FAM153A: variants seen among roughly 807,000 people sequenced by gnomAD.
FAM153A encodes family with sequence similarity 153 member A.
Under a neutral mutation model 48.1 loss-of-function variants are expected in FAM153A, and 12 were observed. The ratio of observed to expected loss-of-function variants is 0.25; its 90% confidence interval spans 0.16 to 0.40. The LOEUF is 0.40. Ranked by LOEUF, FAM153A falls within the 10% of genes least tolerant of loss-of-function variation. The probability of loss-of-function intolerance (pLI) is 1.00; values close to 1 mark genes in which losing one functional copy is unlikely to be tolerated. For missense variants in FAM153A, 111 were observed against 345.8 expected (o/e 0.32, Z 5.38); for synonymous variants, 36 against 118.2 (o/e 0.30, Z 4.51).
chr5:177,746,746 G>A (rs1766077646), intron 4 of FAM153A, among the ~76,000 whole-genome samples: 1 of 151,518 alleles, frequency 6.6e-6, no homozygotes, highest in African/African-American at 2.4e-5. Flanking sequence ...GCAGGTGGGG[G>A]CGCTGACCCT....
chr5:177,753,485 A>G (rs1206686559), upstream of FAM153A, among the ~76,000 whole-genome samples: 2 of 149,210 alleles, frequency 1.3e-5, no homozygotes, highest in Non-Finnish European at 3.0e-5. Context: ...ACAAACATTA[A>G]AGGAGGAAAA....
At chr5:177,782,883 G>A (rs1769821815), upstream of FAM153A, 1 of 89,852 alleles carries the variant, frequency 1.1e-5, no homozygotes, top group African/African-American at 4.4e-5. Context: ...AGGCGCCGCT[G>A]GGCTCGCGGG....
chr5:177,717,521 T>C (rs1760115791), downstream of FAM153A, among the ~76,000 whole-genome samples: 1 of 151,114 alleles, frequency 6.6e-6, no homozygotes, highest in African/African-American at 2.5e-5. Flanking sequence ...GGGACTAAGA[T>C]GTTCACAGTG....
the FAM153A span, among the ~76,000 whole-genome samples, chr5:177,701,079 T>G: frequency 6.4e-4 from 97 of 151,812 alleles, 1 homozygote; most frequent in African/African-American, 2.2e-3. Flanking sequence ...CCTTGAGATC[T>G]GTTTGTTTAA....
At chr5:177,724,355 G>C in exon 20 of FAM153A, 1 of 1,566,900 alleles carries the variant, frequency 6.4e-7, no homozygotes, top group Non-Finnish European at 8.7e-7. Flanking sequence ...GGAAGGACTT[G>C]CTGACATCTG....
chr5:177,702,991 A>G (rs552971708), downstream of FAM153A, among the ~76,000 whole-genome samples: 3 of 152,006 alleles, frequency 2.0e-5, no homozygotes, highest in Non-Finnish European at 4.4e-5. Context: ...AGGAGGGGAA[A>G]TGTGGAGTTG....
intron 24 of FAM153A, chr5:177,717,112 TA>T (rs1177512592): frequency 6.8e-6 from 1 of 148,136 alleles, no homozygotes; most frequent in African/African-American, 2.5e-5. Context: ...ATTTTAAAAG[TA>T]AAGTCAAAGG....
the FAM153A span, among the ~76,000 whole-genome samples, chr5:177,696,087 G>A: frequency 4.8e-5 from 6 of 123,860 alleles, no homozygotes; most frequent in East Asian, 2.4e-4. Flanking sequence ...GGGCAGAGGC[G>A]CTCCTCACTT....
At chr5:177,759,725 A>C (rs1768116147) in intron 1 of FAM153A, among the ~76,000 whole-genome samples, 3 of 151,330 alleles carry the variant, frequency 2.0e-5, no homozygotes, top group Admixed American at 2.0e-4. Flanking sequence ...CAAAAAACCA[A>C]ATACCACATG....
chr5:177,747,596 C>CA, intron 4 of FAM153A, 173 bp downstream of exon 6: 1 of 734,706 alleles, frequency 1.4e-6, no homozygotes. Context: ...CCAGAGTCAA[C>CA]AGTCACATTT....
intron 1 of FAM153A, among the ~76,000 whole-genome samples, chr5:177,779,096 T>G (rs1769455714): frequency 6.7e-6 from 1 of 149,860 alleles, no homozygotes; most frequent in South Asian, 2.1e-4. Context: ...GATCATAGAG[T>G]TCCTTTTACT....
At chr5:177,709,681 T>G (rs995217130), downstream of FAM153A, among the ~76,000 whole-genome samples, 24 of 142,598 alleles carry the variant, frequency 1.7e-4, 2 homozygotes, top group Admixed American at 4.2e-4. Context: ...TTTGTTTTTT[T>G]TTTTTTTTGA....
chr5:177,781,945 G>A (rs1471018970), upstream of FAM153A, among the ~76,000 whole-genome samples: 3 of 87,302 alleles, frequency 3.4e-5, no homozygotes, highest in Non-Finnish European at 7.2e-5. Context: ...TAGCCAGGAT[G>A]GTCTCGATCT....
At chr5:177,715,707 A>G (rs1371959928) in intron 25 of FAM153A, among the ~76,000 whole-genome samples, 1 of 151,550 alleles carries the variant, frequency 6.6e-6, no homozygotes, top group Admixed American at 6.6e-5. Context: ...TTTTTTTGTT[A>G]GTTTTTTTTG....
chr5:177,711,362 A>G (rs1758446632), exon 27 of FAM153A: 1 of 151,970 alleles, frequency 6.6e-6, no homozygotes, highest in African/African-American at 2.4e-5. Flanking sequence ...CCAAACAGGT[A>G]TGTTCAAGTT....
chr5:177,711,568 G>A (rs3104692), exon 27 of FAM153A: 34 of 151,916 alleles, frequency 2.2e-4, no homozygotes, highest in African/African-American at 7.3e-4. Context: ...TCCTCAAGGA[G>A]GAATATGGTG....
chr5:177,724,115 A>G (rs1761804277), exon 21 of FAM153A: 1 of 1,611,020 alleles, frequency 6.2e-7, no homozygotes. Context: ...AGAGGTCTCT[A>G]AAATATATTA....
At chr5:177,724,926 CCTG>C (rs1762047689) in intron 18 of FAM153A, 105 bp from the exon 21 acceptor site, 1 of 553,772 alleles carries the variant, frequency 1.8e-6, no homozygotes, top group Non-Finnish European at 3.2e-6. Context: ...ACCCCGCTGT[CCTG>C]GGGCTGTGGA....
chr5:177,708,760 T>C (rs903156560), downstream of FAM153A, among the ~76,000 whole-genome samples: 5 of 151,568 alleles, frequency 3.3e-5, no homozygotes, highest in African/African-American at 7.3e-5. Flanking sequence ...GGTATCCCAG[T>C]TGTAAGAGGG....
Sources: allele counts gnomAD v4.1 joint callset (sites outside exome capture counted in the v4.1 genomes callset), GRCh38; gene constraint gnomAD v4.1.1; transcripts MANE v1.5; gene names NCBI Gene and HGNC (gene_info 2026-07-23, HGNC 2026-07-21).